The following HOXA3 variants were observed in gnomAD, a reference collection of about 807,000 sequenced individuals.
HOXA3 encodes homeobox protein Hox-A3.
A neutral mutation model predicts 30.3 loss-of-function variants in HOXA3; 8 were observed. The observed-to-expected ratio is 0.26, with a 90% CI of 0.15 to 0.48. HOXA3 has a LOEUF of 0.48. Ranked by LOEUF, HOXA3 falls within the 20% of genes least tolerant of loss-of-function variation. The pLI is 0.99. For synonymous variants in HOXA3, 323 were observed against 273.1 expected (o/e 1.18, Z -1.80); for missense variants, 653 against 614.4 (o/e 1.06, Z -0.66).
chr7:27,130,707 G>A (rs1042547249), intron 2 of HOXA3: 13 of 1,608,368 alleles, frequency 8.1e-6, no homozygotes, highest in Admixed American at 1.7e-5. Flanking sequence ...TGTAGTTGGA[G>A]TTTATCAAAA....
At chr7:27,134,040 G>A (rs75798430) in intron 2 of HOXA3, 2 of 152,368 alleles carry the variant, frequency 1.3e-5, no homozygotes, top group African/African-American at 2.4e-5. Flanking sequence ...AAATGTAAAC[G>A]TTATGGAATG....
At chr7:27,118,339 T>C (rs1784839132) in intron 4 of HOXA3, among the ~76,000 whole-genome samples, 2 of 152,040 alleles carry the variant, frequency 1.3e-5, no homozygotes, top group African/African-American at 4.8e-5. Flanking sequence ...GAAAACGTAA[T>C]CACAGGCGAA....
At chr7:27,117,842 G>A (rs1784803767) in intron 4 of HOXA3, among the ~76,000 whole-genome samples, 1 of 152,002 alleles carries the variant, frequency 6.6e-6, no homozygotes, top group Non-Finnish European at 1.5e-5. Flanking sequence ...TTTCCGCCTG[G>A]GGATCAGCTC....
chr7:27,109,903 T>TCC, intron 5 of HOXA3: 2 of 609,854 alleles, frequency 3.3e-6, no homozygotes, highest in Non-Finnish European at 5.8e-6. Flanking sequence ...CCAGAGGGAC[T>TCC]CCCAGCAGGT....
At chr7:27,143,068 C>T in intron 1 of HOXA3, 1 of 1,534,328 alleles carries the variant, frequency 6.5e-7, no homozygotes, top group Non-Finnish European at 8.7e-7. Flanking sequence ...GCAGCTTGCG[C>T]ATCCAGGGGT....
intron 4 of HOXA3, among the ~76,000 whole-genome samples, chr7:27,117,709 T>G (rs1583382244): frequency 6.6e-6 from 1 of 152,156 alleles, no homozygotes; most frequent in East Asian, 1.9e-4. Context: ...CTCCATCCCC[T>G]GCCTGAAAAC....
At chr7:27,147,192 C>T in intron 1 of HOXA3, 1 of 1,072,582 alleles carries the variant, frequency 9.3e-7, no homozygotes, top group African/African-American at 1.6e-5. Context: ...AGAAACTTTG[C>T]TGGTTCTTTC....
chr7:27,129,421 TCAGA>T (rs759733457), intron 2 of HOXA3: 18 of 1,613,954 alleles, frequency 1.1e-5, no homozygotes, highest in South Asian at 3.3e-5. Flanking sequence ...GACCTGGCGC[TCAGA>T]CAAACAGAGC....
chr7:27,140,301 G>T (rs552667006), intron 1 of HOXA3, 115 bp from the exon 2 acceptor site: 2 of 152,238 alleles, frequency 1.3e-5, no homozygotes, highest in South Asian at 4.1e-4. Context: ...CCCACGTGAC[G>T]TTTTATAGCC....
At chr7:27,121,055 C>T (rs1018663496) in intron 4 of HOXA3, 4 of 152,182 alleles carry the variant, frequency 2.6e-5, no homozygotes, top group African/African-American at 4.8e-5. Context: ...GGGTACACAC[C>T]GTTAGCCAAT....
At chr7:27,129,450 G>T in intron 2 of HOXA3, 1 of 1,614,222 alleles carries the variant, frequency 6.2e-7, no homozygotes, top group Non-Finnish European at 8.5e-7. Context: ...GGGCGATCTC[G>T]ATGCGGCGCC....
intron 4 of HOXA3, among the ~76,000 whole-genome samples, chr7:27,112,858 T>TAA (rs1283589898): frequency 9.8e-5 from 15 of 152,370 alleles, no homozygotes; most frequent in Middle Eastern, 3.4e-3. Context: ...AGCCTGCTAC[T>TAA]TAGTTAAGCC....
intron 2 of HOXA3, among the ~76,000 whole-genome samples, chr7:27,133,612 C>A (rs1785628118): frequency 6.6e-6 from 1 of 152,214 alleles, no homozygotes; most frequent in Admixed American, 6.5e-5. Context: ...GGTGAAATAA[C>A]TTTTCATCAT....
At chr7:27,139,654 G>T (rs980665229) in intron 2 of HOXA3, among the ~76,000 whole-genome samples, 1 of 152,042 alleles carries the variant, frequency 6.6e-6, no homozygotes, top group Non-Finnish European at 1.5e-5. Flanking sequence ...GCCCGCGGCC[G>T]GCGCCCCACT....
intron 4 of HOXA3, among the ~76,000 whole-genome samples, chr7:27,117,913 G>C (rs561561188): frequency 6.6e-6 from 1 of 152,258 alleles, no homozygotes; most frequent in East Asian, 1.9e-4. Context: ...GGGGGCCACT[G>C]GGCCCACCTA....
chr7:27,110,024 A>G, intron 5 of HOXA3, 91 bp downstream of exon 5: 3 of 1,490,520 alleles, frequency 2.0e-6, no homozygotes, highest in Non-Finnish European at 2.8e-6. Context: ...GACATGCTCC[A>G]TCGCTCCTAG....
intron 2 of HOXA3, chr7:27,129,509 C>T: frequency 6.2e-7 from 1 of 1,614,134 alleles, no homozygotes; most frequent in Non-Finnish European, 8.5e-7. Context: ...AGCTCCAAGA[C>T]CTGCTGCCGG....
At chr7:27,135,122 A>G (rs17471958) in intron 2 of HOXA3, among the ~76,000 whole-genome samples, 1,850 of 151,072 alleles carry the variant, frequency 0.012, 42 homozygotes, top group African/African-American at 0.042. Context: ...TTAATACACT[A>G]TTCTCTTTCT....
intron 2 of HOXA3, chr7:27,129,146 G>A (rs1785403236): frequency 3.4e-6 from 3 of 878,318 alleles, no homozygotes; most frequent in Non-Finnish European, 3.9e-6. Context: ...CAGATGGGGA[G>A]GGGTGGATGA....
Sources: allele counts gnomAD v4.1 joint callset (sites outside exome capture counted in the v4.1 genomes callset), GRCh38; gene constraint gnomAD v4.1.1; transcripts MANE v1.5; gene names NCBI Gene and HGNC (gene_info 2026-07-23, HGNC 2026-07-21).